The following ADAMTS12 variants were observed in gnomAD, a reference collection of about 807,000 sequenced individuals.
ADAMTS12 encodes the protein ADAM metallopeptidase with thrombospondin type 1 motif 12.
A neutral mutation model predicts 167.8 loss-of-function variants in ADAMTS12; 118 were observed. The ratio of observed to expected loss-of-function variants is 0.70; its 90% CI spans 0.61 to 0.82. The LOEUF (loss-of-function observed/expected upper bound fraction) is 0.82, where lower values mean the gene tolerates loss of function less well. Among genes scored for constraint, ADAMTS12 ranks in the 40% least tolerant of loss-of-function variants. The pLI, the probability that ADAMTS12 is intolerant of heterozygous loss-of-function variation, is 0.00. For missense variants in ADAMTS12, 1,916 were observed against 1,998.8 expected, an observed-to-expected ratio of 0.96 and a Z score of 0.79; for synonymous variants, 704 against 716.9, an observed-to-expected ratio of 0.98 and a Z score of 0.29.
intron 7 of ADAMTS12, among the ~76,000 whole-genome samples, chr5:33,652,749 CT>C (rs765145540): frequency 6.6e-6 from 1 of 152,076 alleles, no homozygotes; most frequent in Non-Finnish European, 1.5e-5. Context: ...AGTTTCAGGA[CT>C]TACATTTAAG....
At chr5:33,698,422 T>C (rs912265041) in intron 3 of ADAMTS12, among the ~76,000 whole-genome samples, 1 of 152,164 alleles carries the variant, frequency 6.6e-6, no homozygotes, top group Non-Finnish European at 1.5e-5. Flanking sequence ...CTCATCATGG[T>C]TCCCAGAATA....
chr5:33,810,860 G>A (rs1382040604), intron 2 of ADAMTS12, among the ~76,000 whole-genome samples: 3 of 152,176 alleles, frequency 2.0e-5, no homozygotes, highest in African/African-American at 7.2e-5. Flanking sequence ...TCACATTCAT[G>A]TCCATACACT....
At chr5:33,750,685 C>G (rs1744941885) in intron 3 of ADAMTS12, among the ~76,000 whole-genome samples, 1 of 152,132 alleles carries the variant, frequency 6.6e-6, no homozygotes, top group Non-Finnish European at 1.5e-5. Flanking sequence ...TAATGCATAG[C>G]TTATTATCTC....
At chr5:33,795,534 T>C (rs770756128) in intron 2 of ADAMTS12, among the ~76,000 whole-genome samples, 26 of 152,190 alleles carry the variant, frequency 1.7e-4, no homozygotes, top group Non-Finnish European at 5.9e-5. Flanking sequence ...AATAGTCTCA[T>C]TTCATACGAA....
chr5:33,647,246 G>T (rs1316912604), intron 9 of ADAMTS12, among the ~76,000 whole-genome samples: 1 of 152,122 alleles, frequency 6.6e-6, no homozygotes, highest in Non-Finnish European at 1.5e-5. Flanking sequence ...GTACTTTATT[G>T]CAAGAAAATA....
At chr5:33,663,170 G>T (rs1389681772) in intron 5 of ADAMTS12, among the ~76,000 whole-genome samples, 1 of 152,226 alleles carries the variant, frequency 6.6e-6, no homozygotes, top group Non-Finnish European at 1.5e-5. Flanking sequence ...TCACTGAGCT[G>T]CTCAGCATAA....
chr5:33,725,170 C>A (rs905937432), intron 3 of ADAMTS12, among the ~76,000 whole-genome samples: 1 of 152,150 alleles, frequency 6.6e-6, no homozygotes, highest in African/African-American at 2.4e-5. Context: ...AAACAGCTCC[C>A]GATATGATTC....
intron 16 of ADAMTS12, among the ~76,000 whole-genome samples, chr5:33,613,231 C>T (rs936499462): frequency 1.3e-5 from 2 of 152,178 alleles, no homozygotes; most frequent in South Asian, 2.1e-4. Context: ...CAGACTTGGA[C>T]GTGACCCAAA....
intron 2 of ADAMTS12, among the ~76,000 whole-genome samples, chr5:33,804,959 A>G (rs57520236): frequency 1.3e-5 from 2 of 152,114 alleles, no homozygotes; most frequent in African/African-American, 4.8e-5. Flanking sequence ...AAGATGAAGT[A>G]CCCATTCATT....
intron 23 of ADAMTS12, 131 bp from the exon 24 acceptor site, chr5:33,527,497 G>A: frequency 1.2e-6 from 1 of 841,128 alleles, no homozygotes; most frequent in Non-Finnish European, 1.8e-6. Flanking sequence ...ATAATAGGTG[G>A]TATCTACTGA....
chr5:33,658,080 T>G, intron 7 of ADAMTS12, 104 bp downstream of exon 7: 2 of 1,416,282 alleles, frequency 1.4e-6, no homozygotes, highest in Non-Finnish European at 2.0e-6. Context: ...CAGTATAATC[T>G]GAGTCTCCTG....
At chr5:33,696,684 C>A (rs549013034) in intron 3 of ADAMTS12, among the ~76,000 whole-genome samples, 2 of 152,218 alleles carry the variant, frequency 1.3e-5, no homozygotes, top group South Asian at 4.2e-4. Flanking sequence ...AGTAAGTCTG[C>A]ACTGGGAGGC....
At chr5:33,632,050 G>T (rs1374188393) in intron 12 of ADAMTS12, among the ~76,000 whole-genome samples, 2 of 152,166 alleles carry the variant, frequency 1.3e-5, no homozygotes, top group African/African-American at 4.8e-5. Context: ...ATGTAACCAT[G>T]AGCAAAAGCT....
At chr5:33,559,074 A>G (rs988897919) in intron 20 of ADAMTS12, among the ~76,000 whole-genome samples, 2 of 152,168 alleles carry the variant, frequency 1.3e-5, no homozygotes, top group African/African-American at 2.4e-5. Context: ...TAAGTCTGCC[A>G]GGAGAACCAG....
chr5:33,561,609 C>G (rs889831500), intron 19 of ADAMTS12, among the ~76,000 whole-genome samples: 1 of 152,088 alleles, frequency 6.6e-6, no homozygotes, highest in African/African-American at 2.4e-5. Flanking sequence ...TAGGGAGAAC[C>G]CATCTCTAAA....
At chr5:33,640,111 C>T (rs1446437332) in intron 11 of ADAMTS12, among the ~76,000 whole-genome samples, 1 of 152,188 alleles carries the variant, frequency 6.6e-6, no homozygotes, top group Non-Finnish European at 1.5e-5. Context: ...AGTTGACCTA[C>T]AGCAAGGATG....
chr5:33,586,170 C>T (rs1465963951), intron 18 of ADAMTS12, among the ~76,000 whole-genome samples: 1 of 152,118 alleles, frequency 6.6e-6, no homozygotes, highest in Non-Finnish European at 1.5e-5. Context: ...CAGACAAAAT[C>T]TAGATAATAA....
chr5:33,828,281 G>A (rs1032223014), intron 2 of ADAMTS12, among the ~76,000 whole-genome samples: 1 of 152,112 alleles, frequency 6.6e-6, no homozygotes, highest in Non-Finnish European at 1.5e-5. Context: ...CACTGAGTTC[G>A]AGTATCACTT....
intron 5 of ADAMTS12, among the ~76,000 whole-genome samples, chr5:33,662,439 A>C (rs1321489534): frequency 6.6e-6 from 1 of 152,258 alleles, no homozygotes; most frequent in East Asian, 1.9e-4. Flanking sequence ...GATTTTCAAC[A>C]AAAGTTTTTT....
Sources: allele counts gnomAD v4.1 joint callset (sites outside exome capture counted in the v4.1 genomes callset), GRCh38; gene constraint gnomAD v4.1.1; transcripts MANE v1.5; gene names NCBI Gene and HGNC (gene_info 2026-07-23, HGNC 2026-07-21).